The following IDUA variants were observed in gnomAD, a reference collection of about 807,000 sequenced individuals.
IDUA encodes the protein iduronidase alpha-L-.
A neutral mutation model predicts 68.9 loss-of-function variants in IDUA; 65 were observed. The observed-to-expected ratio is 0.94, with a 90% CI of 0.77 to 1.16. The LOEUF (loss-of-function observed/expected upper bound fraction) is 1.16, where lower values mean the gene tolerates loss of function less well. Among genes scored for constraint, IDUA ranks in the 50% most tolerant of loss-of-function variants. IDUA has a pLI of 0.00. For synonymous variants in IDUA, 529 were observed against 433.6 expected (o/e 1.22, Z -2.73); for missense variants, 1,046 against 938.0 (o/e 1.12, Z -1.50).
chr4:1,000,285 TC>T (rs1714993439), intron 2 of IDUA, among the ~76,000 whole-genome samples: 1 of 152,300 alleles, frequency 6.6e-6, no homozygotes, highest in Non-Finnish European at 1.5e-5. Flanking sequence ...GTCCACCAGG[TC>T]CTGCCTGGCT....
Position 1,001,833 on chromosome 4 carries a change from C to T in IDUA, c.744C>T (p.Phe248=), listed in dbSNP as rs775908560. 6 of 1,604,494 alleles carry T rather than the reference C, an allele frequency of 3.7e-6. No individual in the cohort carries two copies. The East Asian group carries it at 6.7e-5, about 18-fold the overall frequency. The change falls in exon 6 of 14, where the codon TTC becomes TTT. Residue 248 remains phenylalanine (F), a synonymous_variant. Coordinates refer to ENST00000514224, the MANE Select transcript of IDUA (RefSeq NM_000203.5). ...LRHCHDGTNF[F]TGEAGVRLDY... ...ACTGCCACGACGGTACCAACTTCTT[C>T]ACTGGGGAGGCGGGCGTGCGGCTGG...
At chr4:998,376 G>A (rs371554925) in intron 2 of IDUA, among the ~76,000 whole-genome samples, 122 of 152,262 alleles carry the variant, frequency 8.0e-4, no homozygotes, top group African/African-American at 2.9e-3. Flanking sequence ...TGGGGAGACT[G>A]ACAGACGGGG....
chr4:995,620 G>T (rs1477472483), intron 2 of IDUA, among the ~76,000 whole-genome samples: 2 of 152,242 alleles, frequency 1.3e-5, no homozygotes, highest in African/African-American at 4.8e-5. Flanking sequence ...TCCTGTCCAT[G>T]TGGGATTGAA....
At chr4:991,594 C>T (rs1246404384) in intron 2 of IDUA, 11 of 1,597,172 alleles carry the variant, frequency 6.9e-6, no homozygotes, top group Admixed American at 1.7e-5. Context: ...CGAGCAGCTG[C>T]ACCACAGCCT....
At chr4:999,081 TGTA>T (rs1714921743) in intron 2 of IDUA, among the ~76,000 whole-genome samples, 1 of 151,836 alleles carries the variant, frequency 6.6e-6, no homozygotes, top group Non-Finnish European at 1.5e-5. Flanking sequence ...GGCGGGCGCC[TGTA>T]GTCCCAGCTA....
At chr4:991,645 T>C (rs1463573369) in intron 2 of IDUA, 27 of 1,555,608 alleles carry the variant, frequency 1.7e-5, no homozygotes, top group Non-Finnish European at 2.2e-5. Context: ...TGCTGGGCGC[T>C]GCCGTCGGAC....
intron 2 of IDUA, chr4:989,936 G>T: frequency 6.4e-7 from 1 of 1,557,064 alleles, no homozygotes; most frequent in South Asian, 1.2e-5. Flanking sequence ...ATCAGCCTGG[G>T]CTCTGGGACC....
intron 2 of IDUA, chr4:988,277 G>A: frequency 8.4e-7 from 1 of 1,193,360 alleles, no homozygotes. Context: ...GGGCTGAGCT[G>A]AGGTCTCATC....
chr4:999,480 C>T (rs907018618), intron 2 of IDUA, among the ~76,000 whole-genome samples: 2 of 152,244 alleles, frequency 1.3e-5, no homozygotes, highest in African/African-American at 2.4e-5. Context: ...TGGCTGGTCC[C>T]GTTGCATGGT....
chr4:992,320 T>G, intron 2 of IDUA: 1 of 410,318 alleles, frequency 2.4e-6, no homozygotes, highest in Admixed American at 2.5e-5. Flanking sequence ...TGGAGACACC[T>G]CCACCCACCC....
chr4:990,556 CA>C, intron 2 of IDUA: 1 of 604,556 alleles, frequency 1.7e-6, no homozygotes, highest in Non-Finnish European at 2.9e-6. Flanking sequence ...TGCCCGCAGA[CA>C]ACTGTGACAT....
chr4:991,815 G>T (rs139770304), intron 2 of IDUA: 2 of 1,533,508 alleles, frequency 1.3e-6, no homozygotes. Flanking sequence ...GGGCCCCTTG[G>T]GGCGGACCCC....
chr4:1,004,516 T>C lies in IDUA; in HGVS notation c.*123T>C, dbSNP rs1241876695. On this transcript the variant is annotated 3_prime_UTR_variant, in exon 14 of 14. Coordinates refer to ENST00000514224, the MANE Select transcript of IDUA (RefSeq NM_000203.5). This position sits in a 1 kb window ranked among gnomAD's most constrained non-coding sequence, Gnocchi z 5.0. ...ATATTTTTATATTTTATTATTTTCT[T>C]TTATATCTTGGTACCAACGCCCCCT... 7 of 1,050,108 alleles carry C rather than the reference T, an allele frequency of 6.7e-6. No homozygotes were observed. The highest frequency in any genetic ancestry group is 3.1e-4 in the Middle Eastern group (1 of 3,234). 65.0% of individuals were successfully genotyped at this position (1,050,108 alleles called of 1,614,324 possible).
rs778314567 is a variant in IDUA at position 1,003,107 on chromosome 4, C to G, written c.1474C>G (p.Arg492Gly). The G allele has an allele frequency of 5.9e-6, 9 of 1,513,956 alleles. No individual in the cohort carries two copies. The highest frequency in any genetic ancestry group is 2.5e-5 in the South Asian group (2 of 81,036). The allele number at this position is 1,513,956 out of a possible 1,614,324, so 93.8% of individuals were successfully genotyped here. ...SPDGEWRRLGRPVFPTAEQFR... is the reference protein window; with the variant it reads ...SPDGEWRRLGGPVFPTAEQFR... Reference sequence around the variant, plus strand: ...CGACGGCGAGTGGCGGCGCCTGGGCCGGCCCGTCTTCCCCACGGCAGAGCA... The same window carrying G: ...CGACGGCGAGTGGCGGCGCCTGGGCGGGCCCGTCTTCCCCACGGCAGAGCA... Residue 492 changes from arginine (R) to glycine (G), a missense_variant, in exon 10 of 14, where the codon CGG becomes GGG. By Grantham distance (125) the Arg-to-Gly change is moderately radical. Transcript: ENST00000514224.
At chr4:999,180 G>A (rs1476402118) in intron 2 of IDUA, among the ~76,000 whole-genome samples, 1 of 150,892 alleles carries the variant, frequency 6.6e-6, no homozygotes, top group African/African-American at 2.5e-5. Context: ...ACCCCAGGCT[G>A]GGCAACAGAG....
chr4:992,150 G>T, intron 2 of IDUA: 1 of 471,778 alleles, frequency 2.1e-6, no homozygotes, highest in Non-Finnish European at 4.2e-6. Flanking sequence ...TGTGCCTACC[G>T]TCAGAATGTC....
At chr4:989,288 T>A in intron 2 of IDUA, 1 of 1,612,620 alleles carries the variant, frequency 6.2e-7, no homozygotes, top group Non-Finnish European at 8.5e-7. Flanking sequence ...AAGAAGTCCT[T>A]GTTGGCATAG....
intron 2 of IDUA, chr4:991,849 G>T: frequency 6.6e-7 from 1 of 1,523,912 alleles, no homozygotes; most frequent in Non-Finnish European, 8.8e-7. Context: ...GCCGGGGATT[G>T]GTGCTGGGCC....
At position 1,003,408 on chromosome 4, in the gene IDUA, C is replaced by A. The variant is rs749053703; in HGVS notation, c.1588C>A (p.Leu530Met). 1.2e-5 allele frequency: 18 copies of A among 1,526,954 alleles called. No homozygotes were observed. The highest frequency in any genetic ancestry group is 2.0e-5 in the Admixed American group (1 of 50,490). 94.6% of individuals were successfully genotyped at this position (1,526,954 alleles called of 1,614,324 possible). A position where few individuals can be genotyped will look rare whatever the true frequency, so the allele number is the denominator to read the frequency against. The change falls in exon 11 of 14, where the codon CTG (leucine) becomes ATG (methionine). Residue 530 changes from leucine to methionine, a missense_variant. Transcript: ENST00000514224. ...CGGCCGCCTGACCCTGCGCCCCGCG[C>A]TGCGGCTGCCGTCGCTTTTGCTGGT... ...AGGRLTLRPA[L>M]RLPSLLLVHV...
Sources: allele counts gnomAD v4.1 joint callset (sites outside exome capture counted in the v4.1 genomes callset), GRCh38; gene constraint gnomAD v4.1.1; non-coding constraint Gnocchi (gnomAD v3.1); transcripts MANE v1.5; gene names NCBI Gene and HGNC (gene_info 2026-07-23, HGNC 2026-07-21).